The following FGF14 variants were observed in gnomAD, a reference collection of about 807,000 sequenced individuals.
FGF14 encodes the protein fibroblast growth factor homologous factor 4.
In FGF14, 5 loss-of-function variants were observed where a neutral mutation model predicts 25.5. That is an observed-to-expected ratio of 0.20 (90% CI 0.10 to 0.41). The LOEUF (loss-of-function observed/expected upper bound fraction) is 0.41, where lower values mean the gene tolerates loss of function less well. FGF14 is among the 10% of genes least tolerant of loss of function. FGF14 has a pLI of 1.00. For missense variants in FGF14, 222 were observed against 320.1 expected (o/e 0.69, Z 2.34); for synonymous variants, 138 against 118.3 (o/e 1.17, Z -1.08).
chr13:101,928,400 G>A (rs1015611600), intron 1 of FGF14, among the ~76,000 whole-genome samples: 3 of 147,278 alleles, frequency 2.0e-5, no homozygotes, highest in African/African-American at 4.9e-5. Context: ...GCTGTGGTGT[G>A]TGTGTGTGTG....
At chr13:102,220,819 C>T (rs1273296423) in intron 1 of FGF14, among the ~76,000 whole-genome samples, 1 of 152,210 alleles carries the variant, frequency 6.6e-6, no homozygotes, top group Non-Finnish European at 1.5e-5. Flanking sequence ...TTAACATCAG[C>T]CCGGCTGGCT....
chr13:102,265,399 G>A (rs532151695), intron 1 of FGF14, among the ~76,000 whole-genome samples: 3 of 152,026 alleles, frequency 2.0e-5, no homozygotes, highest in Non-Finnish European at 2.9e-5. Flanking sequence ...CACTGTTGTC[G>A]ATCTCCATCA....
intron 1 of FGF14, among the ~76,000 whole-genome samples, chr13:102,283,159 A>T (rs976053672): frequency 3.3e-5 from 5 of 152,196 alleles, no homozygotes; most frequent in Admixed American, 6.5e-5. Flanking sequence ...GAGACAAGAA[A>T]AGAAGGGGAC....
intron 1 of FGF14, among the ~76,000 whole-genome samples, chr13:102,351,447 T>C (rs189723233): frequency 7.9e-4 from 121 of 152,350 alleles, no homozygotes; most frequent in Non-Finnish European, 1.4e-3. Context: ...TCAGAGAGTA[T>C]TTAAATTGAA....
intron 1 of FGF14, among the ~76,000 whole-genome samples, chr13:102,203,141 C>T (rs655067): frequency 0.4 from 60,277 of 151,966 alleles, 13,724 homozygotes; most frequent in African/African-American, 0.64. Context: ...TTTATTACAG[C>T]ATGTGTTTTC....
chr13:102,004,543 C>G (rs2039677893), intron 1 of FGF14, among the ~76,000 whole-genome samples: 1 of 152,154 alleles, frequency 6.6e-6, no homozygotes, highest in African/African-American at 2.4e-5. Context: ...AACAACAAGC[C>G]TCTCTCTAGT....
At chr13:102,020,545 G>A (rs76593007) in intron 1 of FGF14, among the ~76,000 whole-genome samples, 4,793 of 151,986 alleles carry the variant, frequency 0.032, 240 homozygotes, top group African/African-American at 0.11. Context: ...GAAACTCTGT[G>A]AGAAACAAAG....
At chr13:102,156,188 C>T (rs1354698518) in intron 1 of FGF14, among the ~76,000 whole-genome samples, 4 of 152,038 alleles carry the variant, frequency 2.6e-5, no homozygotes, top group African/African-American at 2.4e-5. Flanking sequence ...ATACCAAAGC[C>T]GGGCAGAGAC....
chr13:102,163,278 C>G (rs1038458560), intron 1 of FGF14, among the ~76,000 whole-genome samples: 30 of 152,202 alleles, frequency 2.0e-4, no homozygotes, highest in African/African-American at 6.5e-4. Flanking sequence ...TGTAAATTAT[C>G]CTCTAGCACA....
intron 1 of FGF14, among the ~76,000 whole-genome samples, chr13:101,936,121 T>G (rs949217098): frequency 1.3e-5 from 2 of 152,092 alleles, no homozygotes; most frequent in African/African-American, 4.8e-5. Context: ...TTGAGACAAT[T>G]TTATAAAGGA....
At chr13:101,913,132 C>T (rs1413947884) in intron 1 of FGF14, among the ~76,000 whole-genome samples, 1 of 152,304 alleles carries the variant, frequency 6.6e-6, no homozygotes, top group Non-Finnish European at 1.5e-5. Flanking sequence ...AGAATAATTT[C>T]ATAATTTCAA....
At chr13:101,957,691 C>T (rs17687684) in intron 1 of FGF14, among the ~76,000 whole-genome samples, 1 of 152,144 alleles carries the variant, frequency 6.6e-6, no homozygotes, top group African/African-American at 2.4e-5. Flanking sequence ...TCCATCCACC[C>T]TAATTTCTCA....
intron 3 of FGF14, among the ~76,000 whole-genome samples, chr13:101,769,196 T>G (rs2038601995): frequency 1.3e-5 from 2 of 152,054 alleles, no homozygotes; most frequent in South Asian, 4.1e-4. Context: ...CACATAAACA[T>G]ATGAAAAGAT....
chr13:102,047,485 A>G (rs2042036087), intron 1 of FGF14, among the ~76,000 whole-genome samples: 1 of 152,202 alleles, frequency 6.6e-6, no homozygotes. Context: ...TACACCATGG[A>G]ATACTATGCA....
intron 1 of FGF14, among the ~76,000 whole-genome samples, chr13:101,925,179 T>G (rs1255942109): frequency 6.6e-6 from 1 of 152,172 alleles, no homozygotes; most frequent in Non-Finnish European, 1.5e-5. Context: ...CAAATAAAAA[T>G]TGCCTCTAAT....
At chr13:102,051,845 A>C (rs542498599) in intron 1 of FGF14, among the ~76,000 whole-genome samples, 17 of 152,332 alleles carry the variant, frequency 1.1e-4, no homozygotes, top group Admixed American at 5.9e-4. Context: ...CAATGTCAAT[A>C]AGAAGCTTGA....
At chr13:101,878,019 ATGTCTGGAAATATGCAG>A (rs1224029683) in intron 1 of FGF14, among the ~76,000 whole-genome samples, 2 of 151,912 alleles carry the variant, frequency 1.3e-5, no homozygotes, top group Non-Finnish European at 2.9e-5. Context: ...CAAATCCTTC[ATGTCTGGAAATATGCAG>A]TGACTCTTCA....
intron 3 of FGF14, among the ~76,000 whole-genome samples, chr13:101,760,555 T>C (rs1035883015): frequency 3.9e-5 from 6 of 152,180 alleles, no homozygotes; most frequent in African/African-American, 1.4e-4. Context: ...GTTCCCTTGA[T>C]CAAAAGCCGT....
At chr13:102,227,186 A>G (rs2050862249) in intron 1 of FGF14, among the ~76,000 whole-genome samples, 1 of 152,024 alleles carries the variant, frequency 6.6e-6, no homozygotes, top group Admixed American at 6.6e-5. Flanking sequence ...CTCCCATTCC[A>G]TCCAACTAGG....
Sources: gnomAD v4.1 joint callset for allele counts (sites outside exome capture counted in the v4.1 genomes callset) on GRCh38, gnomAD v4.1.1 for gene constraint, MANE v1.5 for transcripts, NCBI Gene and HGNC (gene_info 2026-07-23, HGNC 2026-07-21) for gene names.